The following IFT57 variants were observed in gnomAD, a reference collection of about 807,000 sequenced individuals.
The protein encoded by IFT57 is intraflagellar transport protein 57 homolog.
IFT57 carries 59 observed loss-of-function variants against 56.8 expected under a neutral mutation model. That is an observed-to-expected ratio of 1.04 (90% confidence interval 0.84 to 1.29). The LOEUF (loss-of-function observed/expected upper bound fraction) is 1.29. Ranked by LOEUF, IFT57 falls within the 50% of genes most tolerant of loss-of-function variation. IFT57 has a pLI of 0.00. For missense variants in IFT57, 470 were observed against 522.1 expected, an observed-to-expected ratio of 0.90 and a Z score of 0.97; for synonymous variants, 209 against 186.1, an observed-to-expected ratio of 1.12 and a Z score of -1.00.
chr3:108,210,474 C>T (rs2080337872), intron 4 of IFT57, among the ~76,000 whole-genome samples: 1 of 151,844 alleles, frequency 6.6e-6, no homozygotes, highest in Admixed American at 6.6e-5. Context: ...GCTGGGACTA[C>T]AGGCACACAC....
rs528495598 is a variant in IFT57, at chr3:108,184,544, G to A, written c.777+6977C>T. On this transcript the variant is annotated intron_variant, in intron 6 of 10. Coordinates refer to ENST00000264538, the MANE Select transcript of IFT57 (RefSeq NM_018010.4). Reference sequence around the variant, plus strand: ...AAAAAAACTATTATAAAAAGTTAAAGATTACCAAAATTTATGCACACAAAC... The same window carrying A: ...AAAAAAACTATTATAAAAAGTTAAAAATTACCAAAATTTATGCACACAAAC... Among the ~76,000 whole-genome samples the A allele has an allele frequency of 3.3e-5, 5 of 152,100 alleles. No individual in the cohort carries two copies. In the South Asian group the frequency reaches 1.0e-3, roughly 32 times the overall value.
At chr3:108,175,900 A>T (rs1006816909) in intron 6 of IFT57, among the ~76,000 whole-genome samples, 3 of 151,704 alleles carry the variant, frequency 2.0e-5, no homozygotes, top group Admixed American at 2.0e-4. Flanking sequence ...GTGTGCTGGG[A>T]TGCTTTTTTC....
intron 6 of IFT57, among the ~76,000 whole-genome samples, chr3:108,190,119 G>A (rs934858521): frequency 1.3e-5 from 2 of 152,120 alleles, no homozygotes; most frequent in African/African-American, 4.8e-5. Context: ...GTGGACCTGT[G>A]CAGTTCAAAC....
chr3:108,169,673 G>A (rs2080082316), intron 6 of IFT57, among the ~76,000 whole-genome samples: 1 of 151,918 alleles, frequency 6.6e-6, no homozygotes, highest in African/African-American at 2.4e-5. Flanking sequence ...TAAGGTGTAA[G>A]GAAGGGGTAC....
rs539389108 is a variant in IFT57, at chr3:108,189,873, G to A, written c.777+1648C>T. On this transcript the variant is annotated intron_variant, in intron 6 of 10. Transcript: ENST00000264538. ...TTATATACTGCATTCTTACAGCAAA[G>A]TAAACTAAAGAAAATATTAAGAAAA... 1.8e-4 allele frequency among the ~76,000 whole-genome samples: 28 copies of A among 151,424 alleles called. No homozygotes were observed. The South Asian group carries it at 5.8e-3, about 32-fold the overall frequency.
At chr3:108,199,291 G>A (rs1262503261) in intron 5 of IFT57, among the ~76,000 whole-genome samples, 1 of 152,160 alleles carries the variant, frequency 6.6e-6, no homozygotes, top group African/African-American at 2.4e-5. Flanking sequence ...TGGTACAGGT[G>A]GTATGCTGTA....
intron 3 of IFT57, among the ~76,000 whole-genome samples, chr3:108,216,843 A>G (rs1181594683): frequency 2.6e-5 from 4 of 152,226 alleles, no homozygotes; most frequent in African/African-American, 4.8e-5. Context: ...CATGGAGGAC[A>G]CTATGTCAAG....
Position 108,215,625 on chromosome 3 carries a change from C to T in IFT57, c.495-1604G>A, listed in dbSNP as rs571730425. Among the ~76,000 whole-genome samples the T allele has an allele frequency of 3.9e-5, 6 of 152,200 alleles. No individual in the cohort carries two copies. The South Asian group carries it at 1.2e-3, about 32-fold the overall frequency. On this transcript the variant is annotated intron_variant, in intron 3 of 10. Coordinates refer to ENST00000264538, the MANE Select transcript of IFT57 (RefSeq NM_018010.4). ...GCAAAATACTATGAACTAAATCAAT[C>T]ATCTTAAATAATAAATTTCCTAATT...
intron 6 of IFT57, among the ~76,000 whole-genome samples, chr3:108,169,000 G>A (rs1250842392): frequency 6.6e-6 from 1 of 151,998 alleles, no homozygotes; most frequent in Non-Finnish European, 1.5e-5. Flanking sequence ...AAACCTTTGG[G>A]TATACACCCA....
chr3:108,218,512 T>C (rs751867199), intron 3 of IFT57, 23 bp downstream of exon 3: 10 of 1,097,244 alleles, frequency 9.1e-6, no homozygotes, highest in Non-Finnish European at 1.3e-5. Flanking sequence ...AAAATTACTA[T>C]CATCAGGGTG....
At position 108,219,398 on chromosome 3, in the gene IFT57, G is replaced by A. The variant is rs781061013; in HGVS notation, c.375+12C>T. On this transcript the variant is annotated intron_variant, in intron 2 of 10. Coordinates refer to ENST00000264538, the MANE Select transcript of IFT57 (RefSeq NM_018010.4). ...TTGAGAACAAGGAAAAAGAAGGGTC[G>A]TTTACACTTACAAATGACCGAAGCT... The A allele has an allele frequency of 2.6e-5, 42 of 1,606,684 alleles. No homozygotes were observed. The highest frequency in any genetic ancestry group is 1.3e-4 in the Admixed American group (8 of 59,942).
At position 108,213,984 on chromosome 3, in the gene IFT57, C is replaced by A. The variant is rs758574443; in HGVS notation, c.532G>T (p.Val178Phe). Residue 178 changes from valine to phenylalanine, a missense_variant, in exon 4 of 11, where the codon GTT (valine) becomes TTT (phenylalanine). Physicochemically the swap from Val to Phe is conservative, Grantham distance 50 (BLOSUM62 -1). Transcript: ENST00000264538. ...GTTAATTCTGCATCATCTTCTGCAA[C>A]GCTTTCTTCTTCTAATTCTTCTACT... Reference protein sequence around the residue: ...YPVEELEEESVAEDDAELTLN... With the variant: ...YPVEELEEESFAEDDAELTLN... 6.2e-7 allele frequency: 1 copy of A among 1,608,682 alleles called. No individual in the cohort carries two copies. Among genetic ancestry groups the A allele is most frequent in the Non-Finnish European group, 8.5e-7 (1 of 1,175,584 alleles).
intron 5 of IFT57, among the ~76,000 whole-genome samples, chr3:108,194,128 G>C (rs891580334): frequency 6.6e-6 from 1 of 152,134 alleles, no homozygotes; most frequent in African/African-American, 2.4e-5. Context: ...TGCAGGTATT[G>C]CATCAAATGA....
At chr3:108,201,615 G>C (rs941681368) in intron 5 of IFT57, among the ~76,000 whole-genome samples, 4 of 152,060 alleles carry the variant, frequency 2.6e-5, no homozygotes, top group Admixed American at 6.6e-5. Context: ...ACTGTTTTAG[G>C]AAAGCAGAGG....
intron 5 of IFT57, among the ~76,000 whole-genome samples, chr3:108,195,288 C>T (rs998248623): frequency 2.0e-5 from 3 of 152,092 alleles, no homozygotes; most frequent in African/African-American, 7.2e-5. Context: ...CATTTTACCT[C>T]AGTTAAAATG....
chr3:108,218,498 C>T, intron 3 of IFT57, 37 bp downstream of exon 3: 2 of 899,056 alleles, frequency 2.2e-6, no homozygotes, highest in South Asian at 1.6e-5. Flanking sequence ...AATGCTATGC[C>T]CATAAAATTA....
rs750303918 is a variant in IFT57, at chr3:108,163,675, T to C, written c.1099A>G (p.Met367Val). 3 of 1,610,810 alleles carry C rather than the reference T, an allele frequency of 1.9e-6. No homozygotes were observed. The highest frequency in any genetic ancestry group is 2.2e-5 in the East Asian group (1 of 44,734). The change falls in exon 10 of 11, where the codon ATG becomes GTG. Residue 367 changes from methionine to valine, a missense_variant. Coordinates refer to ENST00000264538, the MANE Select transcript of IFT57 (RefSeq NM_018010.4). ...AGCATGTACTTACCACCATCAGTCA[T>C]GCTGCTGCCCTTTTCTTCCATTTCT... ...KQEMEEKGSS[M>V]TDGAPLVKIK...
intron 5 of IFT57, among the ~76,000 whole-genome samples, chr3:108,194,240 T>C (rs965790624): frequency 2.0e-5 from 3 of 152,074 alleles, no homozygotes; most frequent in South Asian, 2.1e-4. Context: ...AAGAAAGTAA[T>C]TCCATTCACG....
At chr3:108,189,197 T>C (rs922631827) in intron 6 of IFT57, among the ~76,000 whole-genome samples, 11 of 152,212 alleles carry the variant, frequency 7.2e-5, no homozygotes, top group Non-Finnish European at 1.6e-4. Context: ...AGAATTCACC[T>C]GCAATGCAAT....
Sources: gnomAD v4.1 joint callset for allele counts (sites outside exome capture counted in the v4.1 genomes callset) on GRCh38, gnomAD v4.1.1 for gene constraint, MANE v1.5 for transcripts, NCBI Gene and HGNC (gene_info 2026-07-23, HGNC 2026-07-21) for gene names.